CERS3: variants seen among roughly 807,000 people sequenced by gnomAD.
The protein encoded by CERS3 is LAG1 homolog, ceramide synthase 3.
In CERS3, 33 loss-of-function variants were observed where a neutral mutation model predicts 50.3. The observed-to-expected ratio is 0.66, with a 90% CI of 0.50 to 0.88. The LOEUF (loss-of-function observed/expected upper bound fraction) is 0.88, where lower values mean the gene tolerates loss of function less well. CERS3 is among the 40% of genes least tolerant of loss of function. The pLI is 0.00. For synonymous variants in CERS3, 176 were observed against 155.2 expected, an observed-to-expected ratio of 1.13 and a Z score of -0.99; for missense variants, 470 against 460.3, an observed-to-expected ratio of 1.02 and a Z score of -0.19.
chr15:100,493,871 G>A (rs1393203042), intron 3 of CERS3, among the ~76,000 whole-genome samples: 2 of 151,940 alleles, frequency 1.3e-5, no homozygotes, highest in Admixed American at 1.3e-4. Flanking sequence ...CTTTATTGAT[G>A]TTCTTGATTT....
At chr15:100,478,047 T>A (rs2035186871) in intron 7 of CERS3, among the ~76,000 whole-genome samples, 1 of 152,124 alleles carries the variant, frequency 6.6e-6, no homozygotes, top group African/African-American at 2.4e-5. Flanking sequence ...CTATGAAGCA[T>A]AAGGAGACAG....
At chr15:100,485,366 G>T (rs2035453342) in intron 4 of CERS3, among the ~76,000 whole-genome samples, 1 of 152,322 alleles carries the variant, frequency 6.6e-6, no homozygotes, top group South Asian at 2.1e-4. Flanking sequence ...GAAACAATAT[G>T]AATGATAGAT....
chr15:100,515,161 C>T (rs1397178813), intron 2 of CERS3, among the ~76,000 whole-genome samples: 1 of 152,126 alleles, frequency 6.6e-6, no homozygotes, highest in Non-Finnish European at 1.5e-5. Context: ...AAGCTAATGG[C>T]TTGACACAGA....
intron 10 of CERS3, among the ~76,000 whole-genome samples, chr15:100,467,808 CGTCTATATATAT>C (rs2034809074): frequency 1.0e-5 from 1 of 95,574 alleles, no homozygotes; most frequent in Non-Finnish European, 2.2e-5. Context: ...TATATATATA[CGTCTATATATAT>C]GTGTATATAT....
intron 5 of CERS3, among the ~76,000 whole-genome samples, chr15:100,483,787 A>ATTATTATTATTTTTT (rs760594142): frequency 2.9e-4 from 29 of 100,036 alleles, no homozygotes; most frequent in Non-Finnish European, 3.8e-4. Flanking sequence ...TATTATTATT[A>ATTATTATTATTTTTT]TTTTTTTTTT....
At chr15:100,506,064 C>T (rs1003387300) in intron 2 of CERS3, among the ~76,000 whole-genome samples, 1 of 107,160 alleles carries the variant, frequency 9.3e-6, no homozygotes, top group Non-Finnish European at 1.9e-5. Flanking sequence ...CTGAGAGACC[C>T]TGTTTCAAAA....
At chr15:100,478,948 T>C (rs1399853081) in intron 7 of CERS3, among the ~76,000 whole-genome samples, 2 of 152,114 alleles carry the variant, frequency 1.3e-5, no homozygotes, top group Admixed American at 6.5e-5. Flanking sequence ...GGAGGGTGTA[T>C]GGTGTATTCT....
chr15:100,429,221 C>G (rs996574158), intron 11 of CERS3, among the ~76,000 whole-genome samples: 1 of 152,206 alleles, frequency 6.6e-6, no homozygotes, highest in Non-Finnish European at 1.5e-5. Context: ...GCTTCTGCAC[C>G]GGGGGAGCTG....
Position 100,445,128 on chromosome 15 carries a change from C to G in CERS3, c.999+10765G>C, listed in dbSNP as rs2033879071. ...AGAATTCAGGCCTGTCCTTGGAATG[C>G]TACAAGGTACAGCCCATTTGAGCTC... On this transcript the variant is annotated intron_variant, in intron 11 of 11. Coordinates refer to ENST00000679737, the MANE Select transcript of CERS3 (RefSeq NM_001378789.1). Among the ~76,000 whole-genome samples the G allele has an allele frequency of 2.0e-5, 3 of 151,480 alleles. No individual in the cohort carries two copies. In the South Asian group the frequency reaches 6.4e-4, roughly 32 times the overall value.
At chr15:100,473,121 T>A in intron 8 of CERS3, 69 bp from the exon 9 acceptor site, 3 of 1,481,186 alleles carry the variant, frequency 2.0e-6, no homozygotes, top group Non-Finnish European at 2.7e-6. Context: ...GAAGAGATAA[T>A]CATAATAATA....
At chr15:100,522,935 C>T (rs1049759630) in intron 1 of CERS3, among the ~76,000 whole-genome samples, 1 of 152,204 alleles carries the variant, frequency 6.6e-6, no homozygotes, top group Admixed American at 6.5e-5. Flanking sequence ...TGACTATTTA[C>T]ACTCCTCCCA....
At chr15:100,466,861 T>TTCTCTCTTTCTC (rs1555528120) in intron 10 of CERS3, among the ~76,000 whole-genome samples, 3 of 35,174 alleles carry the variant, frequency 8.5e-5, no homozygotes, top group Admixed American at 6.4e-4. Flanking sequence ...CTCTCTTTCT[T>TTCTCTCTTTCTC]TCTTTCTTTC....
intron 2 of CERS3, among the ~76,000 whole-genome samples, chr15:100,502,289 A>G (rs1193328503): frequency 2.3e-4 from 35 of 151,594 alleles, no homozygotes. Flanking sequence ...GAAAGAAAGA[A>G]AATAAGGCAA....
At chr15:100,423,753 CA>C (rs2032620775) in intron 11 of CERS3, among the ~76,000 whole-genome samples, 1 of 152,080 alleles carries the variant, frequency 6.6e-6, no homozygotes, top group South Asian at 2.1e-4. Flanking sequence ...GAACCTAAAA[CA>C]AAAGTTGAAA....
intron 11 of CERS3, among the ~76,000 whole-genome samples, chr15:100,455,509 A>G (rs1379817212): frequency 6.6e-6 from 1 of 152,168 alleles, no homozygotes; most frequent in Non-Finnish European, 1.5e-5. Context: ...GATGATGGAT[A>G]CCCCAAATGT....
intron 1 of CERS3, among the ~76,000 whole-genome samples, chr15:100,524,328 A>C (rs1567682653): frequency 6.6e-6 from 1 of 152,250 alleles, no homozygotes; most frequent in South Asian, 2.1e-4. Flanking sequence ...AAAACGTTTG[A>C]AAATCACTGC....
intron 11 of CERS3, among the ~76,000 whole-genome samples, chr15:100,416,081 C>G (rs752893185): frequency 9.2e-5 from 14 of 152,068 alleles, no homozygotes; most frequent in Non-Finnish European, 1.6e-4. Context: ...CTTATAGATT[C>G]AATACCATTC....
chr15:100,544,458 A>ACCTGCGCGGGGACAC (rs1567697408), intron 1 of CERS3: 1 of 46,136 alleles, frequency 2.2e-5, no homozygotes, highest in Admixed American at 2.2e-4. Context: ...CTCTCGGCCT[A>ACCTGCGCGGGGACAC]GGTCTGCGCG....
At chr15:100,457,881 G>A (rs987489999) in intron 10 of CERS3, among the ~76,000 whole-genome samples, 3 of 152,166 alleles carry the variant, frequency 2.0e-5, no homozygotes, top group South Asian at 2.1e-4. Flanking sequence ...GAGATTTTAT[G>A]TTCAATTACA....
Sources: gnomAD v4.1 joint callset for allele counts (sites outside exome capture counted in the v4.1 genomes callset) on GRCh38, gnomAD v4.1.1 for gene constraint, MANE v1.5 for transcripts, NCBI Gene and HGNC (gene_info 2026-07-23, HGNC 2026-07-21) for gene names.